Variants in IDO2 observed in about 807,000 individuals in gnomAD.
IDO2 encodes indoleamine 2,3-dioxygenase-like 1 protein.
A neutral mutation model predicts 45.1 loss-of-function variants in IDO2; 46 were observed. The observed-to-expected ratio is 1.02, with a 90% CI of 0.80 to 1.30. IDO2 has a LOEUF of 1.30. Among genes scored for constraint, IDO2 ranks in the 50% most tolerant of loss-of-function variants. IDO2 has a pLI of 0.00. For synonymous variants in IDO2, 218 were observed against 184.9 expected, an observed-to-expected ratio of 1.18 and a Z score of -1.45; for missense variants, 544 against 491.8, an observed-to-expected ratio of 1.11 and a Z score of -1.00.
chr8:40,000,349 G>A (rs1232477514), intron 8 of IDO2, among the ~76,000 whole-genome samples: 1 of 151,832 alleles, frequency 6.6e-6, no homozygotes, highest in African/African-American at 2.4e-5. Flanking sequence ...GGCGGAGGTT[G>A]CAGTGAACTG....
chr8:39,938,560 C>T (rs534655427), intron 1 of IDO2, among the ~76,000 whole-genome samples: 7 of 129,848 alleles, frequency 5.4e-5, no homozygotes, highest in East Asian at 2.1e-4. Context: ...ACACCAAAGG[C>T]GCAATCAATG....
chr8:39,985,482 G>A (rs372332322), intron 5 of IDO2, 26 bp from the exon 6 acceptor site: 24 of 1,551,890 alleles, frequency 1.5e-5, no homozygotes, highest in Non-Finnish European at 1.9e-5. Context: ...TCTCTTGGTG[G>A]TCATCAATAA....
chr8:39,940,984 G>T (rs1008313681), intron 1 of IDO2, among the ~76,000 whole-genome samples: 3 of 151,160 alleles, frequency 2.0e-5, no homozygotes, highest in Admixed American at 2.0e-4. Flanking sequence ...ACTTTGGGAG[G>T]CTGAGGCAGG....
chr8:39,980,408 C>T (rs1808325712), intron 4 of IDO2, among the ~76,000 whole-genome samples: 2 of 152,056 alleles, frequency 1.3e-5, no homozygotes, highest in African/African-American at 4.8e-5. Flanking sequence ...TTTAATACTG[C>T]TTTCTATCCA....
At chr8:39,996,550 G>T (rs920067725) in intron 8 of IDO2, among the ~76,000 whole-genome samples, 1 of 152,064 alleles carries the variant, frequency 6.6e-6, no homozygotes, top group South Asian at 2.1e-4. Flanking sequence ...TCCGCATCTT[G>T]GTGGTAGTGG....
intron 8 of IDO2, among the ~76,000 whole-genome samples, chr8:40,004,655 G>A (rs1033002953): frequency 1.3e-5 from 2 of 150,480 alleles, no homozygotes; most frequent in African/African-American, 4.9e-5. Flanking sequence ...AATTCAGAGG[G>A]GTCCCACTAC....
chr8:39,981,320 A>G (rs1004986208), intron 4 of IDO2, among the ~76,000 whole-genome samples: 1 of 152,124 alleles, frequency 6.6e-6, no homozygotes, highest in Non-Finnish European at 1.5e-5. Flanking sequence ...TTCGCCTCCC[A>G]AAGTGCTGGG....
intron 1 of IDO2, among the ~76,000 whole-genome samples, chr8:39,947,770 A>T (rs867426188): frequency 2.6e-4 from 39 of 148,750 alleles, no homozygotes; most frequent in African/African-American, 8.9e-4. Context: ...AATTAAATTT[A>T]TGTTCAAGTG....
At chr8:40,005,606 A>G (rs1802209464) in intron 9 of IDO2, among the ~76,000 whole-genome samples, 1 of 152,190 alleles carries the variant, frequency 6.6e-6, no homozygotes, top group Admixed American at 6.6e-5. Flanking sequence ...AGATCCATTT[A>G]TATTCACTTT....
At chr8:39,953,925 C>T (rs1035048642) in intron 2 of IDO2, among the ~76,000 whole-genome samples, 7 of 152,144 alleles carry the variant, frequency 4.6e-5, no homozygotes, top group African/African-American at 9.7e-5. Context: ...CTGTCTTGTC[C>T]TTAAAAATAA....
chr8:39,975,757 C>A (rs998305879), intron 3 of IDO2, among the ~76,000 whole-genome samples: 2 of 152,152 alleles, frequency 1.3e-5, no homozygotes, highest in Admixed American at 1.3e-4. Flanking sequence ...TCCTTCTTGT[C>A]TATATAAATA....
intron 1 of IDO2, among the ~76,000 whole-genome samples, chr8:39,942,370 G>A (rs995698620): frequency 2.6e-5 from 4 of 152,144 alleles, no homozygotes; most frequent in Non-Finnish European, 5.9e-5. Context: ...TGGGCTGGGC[G>A]TGGTGGTTCA....
At chr8:39,993,946 G>A (rs1801987758) in intron 8 of IDO2, among the ~76,000 whole-genome samples, 2 of 152,112 alleles carry the variant, frequency 1.3e-5, no homozygotes. Flanking sequence ...GATGGAAGTT[G>A]CAGTGAGCCT....
intron 6 of IDO2, chr8:39,987,588 T>C: frequency 3.4e-6 from 1 of 290,568 alleles, no homozygotes; most frequent in Non-Finnish European, 6.5e-6. Flanking sequence ...GAACTTCTCA[T>C]TCAGCCAGTT....
chr8:39,996,279 A>T (rs568338284), intron 8 of IDO2, among the ~76,000 whole-genome samples: 67 of 152,246 alleles, frequency 4.4e-4, no homozygotes, highest in African/African-American at 1.6e-3. Context: ...CCTAGTCCTG[A>T]ACACCTGGCT....
intron 6 of IDO2, chr8:39,986,355 T>C (rs1245661814): frequency 1.3e-5 from 2 of 152,182 alleles, no homozygotes; most frequent in Non-Finnish European, 2.9e-5. Context: ...CCTCAGCTTC[T>C]ATCGCCAAAC....
At chr8:39,987,886 C>A in exon 7 of IDO2, 1 of 1,607,976 alleles carries the variant, frequency 6.2e-7, no homozygotes, top group Non-Finnish European at 8.5e-7. Context: ...TGGAGACCAT[C>A]ATCTCATTTC....
chr8:39,999,264 A>G lies in IDO2; in HGVS notation c.668-6063A>G, dbSNP rs145705493. On this transcript the variant is annotated intron_variant, in intron 8 of 10. Transcript: ENST00000502986. ...GCTCAATTTATTGGCCTTGGGCTTC[A>G]TTCTGCTGCTGCTTTTTTTTTTTTT... Among the ~76,000 whole-genome samples the G allele has an allele frequency of 6.8e-3, 924 of 136,584 alleles. 11 individuals are homozygous for G. Among genetic ancestry groups the G allele is most frequent in the African/African-American group, 0.022 (798 of 36,080 alleles). 89.6% of individuals were successfully genotyped at this position (136,584 alleles called of 152,430 possible).
intron 8 of IDO2, chr8:39,998,355 A>G (rs894477259): frequency 3.3e-5 from 5 of 152,260 alleles, no homozygotes; most frequent in African/African-American, 1.2e-4. Flanking sequence ...AACAAAATAT[A>G]CATTTTTTGT....
Sources: allele counts gnomAD v4.1 joint callset (sites outside exome capture counted in the v4.1 genomes callset), GRCh38; gene constraint gnomAD v4.1.1; transcripts MANE v1.5; gene names NCBI Gene and HGNC (gene_info 2026-07-23, HGNC 2026-07-21).